SRL: variants seen among roughly 807,000 people sequenced by gnomAD.
The protein encoded by SRL is sarcalumenin.
SRL carries 23 observed loss-of-function variants against 39.5 expected under a neutral mutation model. The observed-to-expected ratio is 0.58, with a 90% CI of 0.42 to 0.82. The LOEUF (loss-of-function observed/expected upper bound fraction) is 0.82. Ranked by LOEUF, SRL falls within the 40% of genes least tolerant of loss-of-function variation. The pLI is 0.00. For missense variants in SRL, 592 were observed against 607.8 expected, an observed-to-expected ratio of 0.97 and a Z score of 0.27; for synonymous variants, 272 against 237.4, an observed-to-expected ratio of 1.15 and a Z score of -1.34.
rs1291229374 is a variant in SRL, at chr16:4,192,510, C to T, written c.1065G>A (p.Lys355=). 6.3e-5 allele frequency: 101 copies of T among 1,614,034 alleles called. No homozygotes were observed. Among genetic ancestry groups the T allele is most frequent in the Non-Finnish European group, 8.5e-5 (100 of 1,180,042 alleles). The part of the protein sequence containing the change: ...LLVDRYLQTY[K]DKMTFFSDGE... ...CATCACTGAAGAAGGTCATTTTGTC[C>T]TTGTAAGTCTGCAGGTAGCGGTCAA... The change falls in exon 6 of 6, where the codon AAG becomes AAA. Residue 355 remains lysine (K), a synonymous_variant. Coordinates refer to ENST00000399609, the MANE Select transcript of SRL (RefSeq NM_001098814.2). This position sits in a 1 kb window ranked among gnomAD's most constrained non-coding sequence, Gnocchi z 4.0.
chr16:4,211,454 A>T (rs1240625658), intron 1 of SRL, among the ~76,000 whole-genome samples: 1 of 151,530 alleles, frequency 6.6e-6, no homozygotes, highest in Non-Finnish European at 1.5e-5. Flanking sequence ...GAGGATCGTG[A>T]TGATGATGAT....
At chr16:4,195,172 G>C (rs1163399239) in intron 5 of SRL, among the ~76,000 whole-genome samples, 1 of 152,104 alleles carries the variant, frequency 6.6e-6, no homozygotes, top group Non-Finnish European at 1.5e-5. Flanking sequence ...TGGGATTACA[G>C]GTGTGAGCCA....
intron 1 of SRL, among the ~76,000 whole-genome samples, chr16:4,236,329 C>T (rs2052713765): frequency 6.6e-6 from 1 of 152,152 alleles, no homozygotes; most frequent in Non-Finnish European, 1.5e-5. Context: ...GCTGGCCACT[C>T]GCCCTTCTTC....
chr16:4,207,976 T>A, intron 1 of SRL: 1 of 456,768 alleles, frequency 2.2e-6, no homozygotes, highest in South Asian at 1.5e-5. Context: ...AGCAGTTTCT[T>A]GTCTTGAGGG....
Position 4,192,674 on chromosome 16 carries a change from C to T in SRL, c.901G>A (p.Asp301Asn), listed in dbSNP as rs769911054. The part of the protein sequence containing the change: ...SSFWPQEYKP[D>N]THQELFLQEE... ...TGGAGGAACAGTTCCTGATGGGTGTCCGGCTTATACTCTTGTGGCCAGAAG... is the reference window on the plus strand; with the variant it reads ...TGGAGGAACAGTTCCTGATGGGTGTTCGGCTTATACTCTTGTGGCCAGAAG... The change falls in exon 6 of 6, where the codon GAC becomes AAC. Residue 301 changes from aspartate (D) to asparagine (N), a missense_variant. Physicochemically the swap from Asp to Asn is conservative, Grantham distance 23. Coordinates refer to ENST00000399609, the MANE Select transcript of SRL (RefSeq NM_001098814.2). This position sits in a 1 kb window ranked among gnomAD's most constrained non-coding sequence, Gnocchi z 4.0. 7 of 1,614,052 alleles carry T rather than the reference C, an allele frequency of 4.3e-6. No individual in the cohort carries two copies. The highest frequency in any genetic ancestry group is 1.1e-5 in the South Asian group (1 of 91,076).
intron 1 of SRL, among the ~76,000 whole-genome samples, chr16:4,230,784 A>G (rs1452962740): frequency 1.3e-5 from 2 of 152,140 alleles, no homozygotes; most frequent in East Asian, 3.9e-4. Context: ...AACATCTTCA[A>G]TGTCCTTAGG....
chr16:4,203,338 A>C, intron 2 of SRL, 77 bp from the exon 3 acceptor site: 66 of 1,228,264 alleles, frequency 5.4e-5, no homozygotes, highest in Non-Finnish European at 7.4e-5. Flanking sequence ...GAGGGGCCTC[A>C]CCACCCAGGG....
chr16:4,208,620 G>A (rs559602773), intron 1 of SRL, among the ~76,000 whole-genome samples: 5 of 152,290 alleles, frequency 3.3e-5, no homozygotes, highest in African/African-American at 1.2e-4. Flanking sequence ...TGCTCTCAGC[G>A]AAGGAGTGAA....
chr16:4,211,887 T>C (rs898238398), intron 1 of SRL, among the ~76,000 whole-genome samples: 1 of 152,132 alleles, frequency 6.6e-6, no homozygotes, highest in Admixed American at 6.6e-5. Context: ...GTGAGAGTGA[T>C]GATGACAATG....
At chr16:4,227,487 G>C (rs969071086) in intron 1 of SRL, among the ~76,000 whole-genome samples, 1 of 151,674 alleles carries the variant, frequency 6.6e-6, no homozygotes, top group African/African-American at 2.4e-5. Flanking sequence ...TGAATGGATA[G>C]ATGAGTGGAT....
At chr16:4,229,092 G>A (rs2052630391) in intron 1 of SRL, among the ~76,000 whole-genome samples, 2 of 151,930 alleles carry the variant, frequency 1.3e-5, no homozygotes, top group Non-Finnish European at 2.9e-5. Flanking sequence ...GCCCACCAAC[G>A]GTGGCCTGAA....
chr16:4,203,284 G>A (rs1273417673), intron 2 of SRL, 23 bp from the exon 3 acceptor site: 4 of 1,605,324 alleles, frequency 2.5e-6, no homozygotes, highest in African/African-American at 1.3e-5. Context: ...AGGGCCGGGG[G>A]AAGAGCATCA....
At chr16:4,202,365 G>A (rs768732358) in intron 3 of SRL, among the ~76,000 whole-genome samples, 10 of 152,128 alleles carry the variant, frequency 6.6e-5, no homozygotes, top group Non-Finnish European at 1.3e-4. Context: ...AGGCCGAAGC[G>A]GGCAGATCAC....
In SRL at chr16:4,190,386, C is replaced by T. The variant is rs990199445; in HGVS notation, c.*1767G>A. On this transcript the variant is annotated 3_prime_UTR_variant, in exon 6 of 6. Coordinates refer to ENST00000399609, the MANE Select transcript of SRL (RefSeq NM_001098814.2). ...CTGACTCCTGCCTCGTGGGTAAGGC[C>T]CCCAGGACAGCTTGTTCCCAAGAGA... 11 of 398,668 alleles carry T rather than the reference C, an allele frequency of 2.8e-5. No individual in the cohort carries two copies. Among genetic ancestry groups the T allele is most frequent in the East Asian group, 1.1e-4 (3 of 28,080 alleles). The allele number at this position is 398,668 out of a possible 1,614,324, so 24.7% of individuals were successfully genotyped here.
At position 4,217,586 on chromosome 16, in the gene SRL, T is replaced by C. The variant is rs573966569; in HGVS notation, c.62-12952A>G. On this transcript the variant is annotated intron_variant, in intron 1 of 5. Coordinates refer to ENST00000399609, the MANE Select transcript of SRL (RefSeq NM_001098814.2). ...TACCACTGGCGCCCCCACCCCCCGCTGTCTTACTACCCAGCGAAGTAACCT... is the reference window on the plus strand; with the variant it reads ...TACCACTGGCGCCCCCACCCCCCGCCGTCTTACTACCCAGCGAAGTAACCT... Among the ~76,000 whole-genome samples the C allele has an allele frequency of 6.6e-5, 10 of 152,176 alleles. No homozygotes were observed. In the South Asian group the frequency reaches 1.5e-3, roughly 22 times the overall value.
intron 3 of SRL, among the ~76,000 whole-genome samples, chr16:4,202,146 G>A (rs1188049256): frequency 6.6e-6 from 1 of 152,212 alleles, no homozygotes; most frequent in African/African-American, 2.4e-5. Flanking sequence ...GCTGTCAGAG[G>A]GAAGGAGGGA....
At chr16:4,202,837 C>T (rs899773227) in intron 3 of SRL, among the ~76,000 whole-genome samples, 1 of 152,128 alleles carries the variant, frequency 6.6e-6, no homozygotes, top group South Asian at 2.1e-4. Context: ...CTCTGGAGCA[C>T]AGGAGGGATT....
intron 1 of SRL, among the ~76,000 whole-genome samples, chr16:4,209,057 G>C (rs562105968): frequency 6.6e-6 from 1 of 152,300 alleles, no homozygotes; most frequent in African/African-American, 2.4e-5. Context: ...CAGATCACCT[G>C]AGGTTGGGAG....
chr16:4,238,923 C>T (rs895354776), intron 1 of SRL, among the ~76,000 whole-genome samples: 1 of 152,064 alleles, frequency 6.6e-6, no homozygotes, highest in African/African-American at 2.4e-5. Flanking sequence ...GTCCGACCAC[C>T]GTGTTACCTT....
Sources: allele counts gnomAD v4.1 joint callset (sites outside exome capture counted in the v4.1 genomes callset), GRCh38; gene constraint gnomAD v4.1.1; non-coding constraint Gnocchi (gnomAD v3.1); transcripts MANE v1.5; gene names NCBI Gene and HGNC (gene_info 2026-07-23, HGNC 2026-07-21).